Variants in PTPN21 observed in about 807,000 individuals in gnomAD.
The protein encoded by PTPN21 is protein tyrosine phosphatase non-receptor type 21, also known as tyrosine-protein phosphatase non-receptor type 21.
PTPN21 carries 77 observed loss-of-function variants against 131.8 expected under a neutral mutation model. That is an observed-to-expected ratio of 0.58 (90% confidence interval 0.49 to 0.71). PTPN21 has a LOEUF of 0.71. PTPN21 is among the 30% of genes least tolerant of loss of function. The pLI, the probability that PTPN21 is intolerant of heterozygous loss-of-function variation, is 0.00. For missense variants in PTPN21, 1,552 were observed against 1,527.1 expected, an observed-to-expected ratio of 1.02 and a Z score of -0.27; for synonymous variants, 715 against 621.3, an observed-to-expected ratio of 1.15 and a Z score of -2.24.
At chr14:88,488,723 C>T (rs2077773562) in intron 10 of PTPN21, among the ~76,000 whole-genome samples, 1 of 152,108 alleles carries the variant, frequency 6.6e-6, no homozygotes, top group Admixed American at 6.5e-5. Flanking sequence ...AAGGCTGAGG[C>T]AGGAGGATCC....
At chr14:88,551,655 C>T (rs1255795057) in intron 1 of PTPN21, 1 of 152,302 alleles carries the variant, frequency 6.6e-6, no homozygotes, top group African/African-American at 2.4e-5. Flanking sequence ...CGCTTTGGAG[C>T]CACAGGACCT....
intron 2 of PTPN21, among the ~76,000 whole-genome samples, chr14:88,535,664 A>C (rs1437502717): frequency 6.6e-6 from 1 of 152,198 alleles, no homozygotes; most frequent in Non-Finnish European, 1.5e-5. Flanking sequence ...AATAGAATAA[A>C]ACTTGAATCA....
At chr14:88,496,893 C>T (rs552426822) in intron 9 of PTPN21, among the ~76,000 whole-genome samples, 1 of 152,306 alleles carries the variant, frequency 6.6e-6, no homozygotes, top group East Asian at 1.9e-4. Flanking sequence ...CAGAGCTATT[C>T]ATTTATCAAT....
intron 2 of PTPN21, among the ~76,000 whole-genome samples, chr14:88,537,766 T>C (rs1356502188): frequency 2.0e-5 from 3 of 152,210 alleles, no homozygotes; most frequent in Admixed American, 6.5e-5. Flanking sequence ...GGCTATTTCA[T>C]TGTGTGAACA....
chr14:88,480,664 A>G (rs1011184868), intron 12 of PTPN21, among the ~76,000 whole-genome samples: 1 of 152,174 alleles, frequency 6.6e-6, no homozygotes, highest in African/African-American at 2.4e-5. Context: ...TGAGGCAGAG[A>G]TACCATTCAA....
At chr14:88,504,661 A>C (rs555908884) in intron 5 of PTPN21, among the ~76,000 whole-genome samples, 166 bp from the exon 6 acceptor site, 6 of 152,160 alleles carry the variant, frequency 3.9e-5, no homozygotes, top group Non-Finnish European at 7.3e-5. Flanking sequence ...CTAAGGAATT[A>C]ACTGGCTTCT....
intron 4 of PTPN21, among the ~76,000 whole-genome samples, chr14:88,506,287 C>T (rs1482907683): frequency 6.6e-6 from 1 of 152,046 alleles, no homozygotes; most frequent in African/African-American, 2.4e-5. Flanking sequence ...CTGCAGTGCG[C>T]CACGATCACA....
At chr14:88,524,295 T>C (rs1477102327) in intron 2 of PTPN21, among the ~76,000 whole-genome samples, 1 of 152,090 alleles carries the variant, frequency 6.6e-6, no homozygotes, top group African/African-American at 2.4e-5. Context: ...ACAAATAGAA[T>C]AGAGAGTCTA....
At chr14:88,551,074 C>T (rs1176920359) in intron 1 of PTPN21, among the ~76,000 whole-genome samples, 1 of 152,172 alleles carries the variant, frequency 6.6e-6, no homozygotes, top group African/African-American at 2.4e-5. Context: ...AGAAAATTAA[C>T]CCTGAAGGCA....
chr14:88,483,105 A>G (rs147779878), intron 12 of PTPN21, among the ~76,000 whole-genome samples: 5,558 of 151,144 alleles, frequency 0.037, 329 homozygotes, highest in African/African-American at 0.13. Flanking sequence ...CCAGCTACTC[A>G]GGAGGCTGAG....
intron 10 of PTPN21, among the ~76,000 whole-genome samples, chr14:88,486,122 C>G (rs566003102): frequency 6.6e-6 from 1 of 152,274 alleles, no homozygotes; most frequent in Non-Finnish European, 1.5e-5. Flanking sequence ...ACTTCCCAGG[C>G]CCATCCAATA....
At chr14:88,496,588 A>G (rs2077921016) in intron 9 of PTPN21, 96 bp from the exon 10 acceptor site, 2 of 939,430 alleles carry the variant, frequency 2.1e-6, no homozygotes, top group South Asian at 1.4e-5. Flanking sequence ...GGGTGACATC[A>G]TATGACAAAG....
At chr14:88,470,205 T>C (rs770047771) in intron 15 of PTPN21, 155 bp from the exon 16 acceptor site, 55 of 679,296 alleles carry the variant, frequency 8.1e-5, no homozygotes, top group Non-Finnish European at 1.3e-4. Context: ...GGAAAGACTT[T>C]TCATCTTTTC....
chr14:88,522,774 T>G (rs1178074766), intron 2 of PTPN21, among the ~76,000 whole-genome samples: 1 of 152,196 alleles, frequency 6.6e-6, no homozygotes, highest in Non-Finnish European at 1.5e-5. Flanking sequence ...ATTATAATCC[T>G]GGATTGAATG....
At position 88,469,971 on chromosome 14, in the gene PTPN21, A is replaced by G; in HGVS notation, c.2951T>C (p.Met984Thr). 4 of 1,614,078 alleles carry G rather than the reference A, an allele frequency of 2.5e-6. No individual in the cohort carries two copies. The highest frequency in any genetic ancestry group is 2.5e-6 in the Non-Finnish European group (3 of 1,179,950). Residue 984 changes from methionine to threonine, a missense_variant, in exon 16 of 19, where the codon ATG (methionine) becomes ACG (threonine). Transcript: ENST00000556564. This position sits in a 1 kb window ranked among gnomAD's most constrained non-coding sequence, Gnocchi z 4.3. ...LQNTCQDFWQ[M>T]VWEQGIAIIA... ...AATTGCAATTCCCTGTTCCCATACCATCTGCCAAAAATCTTGACAGGTATT... is the reference window on the plus strand; with the variant it reads ...AATTGCAATTCCCTGTTCCCATACCGTCTGCCAAAAATCTTGACAGGTATT...
Position 88,467,871 on chromosome 14 carries a change from G to GC in PTPN21, c.*265dup, listed in dbSNP as rs1230675137. On this transcript the variant is annotated 3_prime_UTR_variant, in exon 19 of 19. Coordinates refer to ENST00000556564, the MANE Select transcript of PTPN21 (RefSeq NM_007039.4). ...AGAAAATACAATCTCCAAAATGTGTGCAAGTACTGCAAACCGGACAGACCG... is the reference window on the plus strand; with the variant it reads ...AGAAAATACAATCTCCAAAATGTGTGCCAAGTACTGCAAACCGGACAGACCG... The GC allele has an allele frequency of 2.2e-6, 1 of 454,862 alleles. No homozygotes were observed. The highest frequency in any genetic ancestry group is 3.9e-6 in the Non-Finnish European group (1 of 257,194). The allele number at this position is 454,862 out of a possible 1,614,324, so 28.2% of individuals were successfully genotyped here.
chr14:88,554,975 G>C lies in PTPN21; in HGVS notation c.-527C>G, dbSNP rs1194576098. Among the ~76,000 whole-genome samples the C allele has an allele frequency of 1.1e-5, 1 of 88,662 alleles. No homozygotes were observed. Among genetic ancestry groups the C allele is most frequent in the Admixed American group, 1.0e-4 (1 of 9,764 alleles). 58.2% of individuals were successfully genotyped at this position (88,662 alleles called of 152,430 possible). ...ACCGTCGGACCGACGCGGGACGCGCGGCCGGAGCAGCGGGGCGGCCGGGCC... is the reference window on the plus strand; with the variant it reads ...ACCGTCGGACCGACGCGGGACGCGCCGCCGGAGCAGCGGGGCGGCCGGGCC... On this transcript the variant is annotated 5_prime_UTR_variant, in exon 1 of 19. Transcript: ENST00000556564.
Position 88,467,976 on chromosome 14 carries a change from G to T in PTPN21, c.*161C>A. 1.1e-6 allele frequency: 1 copy of T among 940,666 alleles called. No homozygotes were observed. The highest frequency in any genetic ancestry group is 1.7e-6 in the Non-Finnish European group (1 of 604,508). 58.3% of individuals were successfully genotyped at this position (940,666 alleles called of 1,614,324 possible). A position where few individuals can be genotyped will look rare whatever the true frequency, so the allele number is the denominator to read the frequency against. On this transcript the variant is annotated 3_prime_UTR_variant, in exon 19 of 19. Coordinates refer to ENST00000556564, the MANE Select transcript of PTPN21 (RefSeq NM_007039.4). ...GAAACCCCTCTTCAGCCTGTGCTTCGCACGTTTCCTTCAGCGTGCCGCCAT... is the reference window on the plus strand; with the variant it reads ...GAAACCCCTCTTCAGCCTGTGCTTCTCACGTTTCCTTCAGCGTGCCGCCAT...
intron 13 of PTPN21, among the ~76,000 whole-genome samples, chr14:88,476,474 T>C (rs1380866430): frequency 6.6e-6 from 1 of 152,208 alleles, no homozygotes; most frequent in Non-Finnish European, 1.5e-5. Context: ...TTTTACAAGG[T>C]AATCAGTGTC....
Sources: gnomAD v4.1 joint callset for allele counts (sites outside exome capture counted in the v4.1 genomes callset) on GRCh38, gnomAD v4.1.1 for gene constraint, Gnocchi (gnomAD v3.1) non-coding constraint, MANE v1.5 for transcripts, NCBI Gene and HGNC (gene_info 2026-07-23, HGNC 2026-07-21) for gene names.